Variants in TES observed in about 807,000 individuals in gnomAD.
The protein encoded by TES is testin.
A neutral mutation model predicts 48.2 loss-of-function variants in TES; 41 were observed. The ratio of observed to expected loss-of-function variants is 0.85; its 90% CI spans 0.66 to 1.10. TES has a LOEUF of 1.10. Among genes scored for constraint, TES ranks in the 50% least tolerant of loss-of-function variants. The pLI, the probability that TES is intolerant of heterozygous loss-of-function variation, is 0.00. For synonymous variants in TES, 162 were observed against 174.9 expected (o/e 0.93, Z 0.58); for missense variants, 463 against 515.1 (o/e 0.90, Z 0.98).
intron 6 of TES, 197 bp downstream of exon 6, chr7:116,252,673 C>CT: frequency 1.5e-6 from 1 of 675,320 alleles, no homozygotes. Context: ...CTCAAGATTT[C>CT]TACTTGTGAA....
chr7:116,254,758 ATG>A (rs202115399), intron 6 of TES, among the ~76,000 whole-genome samples: 2,849 of 116,734 alleles, frequency 0.024, 36 homozygotes, highest in African/African-American at 0.037. Context: ...ATATATATAT[ATG>A]TGTGTGTGTG....
intron 2 of TES, among the ~76,000 whole-genome samples, chr7:116,248,001 T>C (rs910139800): frequency 6.6e-6 from 1 of 152,182 alleles, no homozygotes; most frequent in Non-Finnish European, 1.5e-5. Context: ...TAGTGTCTGT[T>C]AGTTCCATCT....
At chr7:116,233,264 A>G (rs1201655447) in intron 1 of TES, among the ~76,000 whole-genome samples, 4 of 152,068 alleles carry the variant, frequency 2.6e-5, no homozygotes, top group Admixed American at 6.6e-5. Context: ...TTTTTTTCCA[A>G]TATCAGTCGT....
intron 1 of TES, among the ~76,000 whole-genome samples, chr7:116,228,008 G>GTTT (rs77777605): frequency 4.1e-5 from 5 of 122,960 alleles, no homozygotes; most frequent in Non-Finnish European, 6.9e-5. Context: ...TCTTTTTTTT[G>GTTT]TTTTTTTTTT....
chr7:116,254,105 G>A (rs1800058581), intron 6 of TES, among the ~76,000 whole-genome samples: 1 of 152,134 alleles, frequency 6.6e-6, no homozygotes, highest in Non-Finnish European at 1.5e-5. Flanking sequence ...GCTAAAAACT[G>A]CTTCAATGAA....
At position 116,249,162 on chromosome 7, in the gene TES, A is replaced by G. The variant is rs369912569; in HGVS notation, c.256A>G (p.Met86Val). 1.2e-6 allele frequency: 2 copies of G among 1,614,012 alleles called. No individual in the cohort carries two copies. The highest frequency in any genetic ancestry group is 2.7e-5 in the African/African-American group (2 of 74,932). ...AAAACTAAAGTCAGATGGAATTCCCATGTATAAACGCAATGTTATGATATT... is the reference window on the plus strand; with the variant it reads ...AAAACTAAAGTCAGATGGAATTCCCGTGTATAAACGCAATGTTATGATATT... ...IAKLKSDGIP[M>V]YKRNVMILTN... The change falls in exon 3 of 7, where the codon ATG becomes GTG. Residue 86 changes from methionine to valine, a missense_variant. By Grantham distance (21) the Met-to-Val change is conservative (BLOSUM62 1). Coordinates refer to ENST00000358204, the MANE Select transcript of TES (RefSeq NM_015641.4).
intron 2 of TES, 89 bp from the exon 3 acceptor site, chr7:116,248,931 C>A (rs1799962891): frequency 7.5e-7 from 1 of 1,338,832 alleles, no homozygotes. Flanking sequence ...ATAGAATAGG[C>A]CTAAAAGTAT....
intron 1 of TES, among the ~76,000 whole-genome samples, chr7:116,230,245 CTCTG>C (rs1462285550): frequency 2.0e-5 from 3 of 152,160 alleles, no homozygotes; most frequent in Non-Finnish European, 2.9e-5. Flanking sequence ...CTTACTTGCT[CTCTG>C]TCTGTGATGT....
chr7:116,229,033 T>TATATATATATATATATATATA (rs1417517023), intron 1 of TES, among the ~76,000 whole-genome samples: 9 of 115,488 alleles, frequency 7.8e-5, no homozygotes, highest in African/African-American at 1.0e-4. Flanking sequence ...TATATATATA[T>TATATATATATATATATATATA]AATCATTTCC....
rs551007579 is a variant in TES, at chr7:116,242,963, T to C, written c.114-6057T>C. The stretch of plus-strand genomic sequence containing the variant: ...AAACTAATGCAGTAAGTATGATCTA[T>C]GCTGAGTGTCTGGGTTTGTTCCCCC... On this transcript the variant is annotated intron_variant, in intron 2 of 6. Coordinates refer to ENST00000358204, the MANE Select transcript of TES (RefSeq NM_015641.4). 2.0e-5 allele frequency among the ~76,000 whole-genome samples: 3 copies of C among 152,304 alleles called. No homozygotes were observed. The East Asian group carries it at 5.8e-4, about 29-fold the overall frequency.
rs975983468 is a variant in TES, at chr7:116,248,310, A to G, written c.114-710A>G. Among the ~76,000 whole-genome samples the G allele has an allele frequency of 2.6e-5, 4 of 152,266 alleles. No homozygotes were observed. In the East Asian group the frequency reaches 5.8e-4, roughly 22 times the overall value. ...GGTGCATTGTCCTTTTGGTGGAACA[A>G]TGCATTTTCCTTTGGGATTGCTGGG... On this transcript the variant is annotated intron_variant, in intron 2 of 6. Coordinates refer to ENST00000358204, the MANE Select transcript of TES (RefSeq NM_015641.4).
At chr7:116,234,739 C>G in intron 2 of TES, 120 bp downstream of exon 2, 1 of 760,976 alleles carries the variant, frequency 1.3e-6, no homozygotes, top group Non-Finnish European at 2.2e-6. Flanking sequence ...CTGTTACTGT[C>G]TTTTCTGAGA....
At chr7:116,236,280 C>G (rs1428702559) in intron 2 of TES, among the ~76,000 whole-genome samples, 1 of 152,116 alleles carries the variant, frequency 6.6e-6, no homozygotes, top group African/African-American at 2.4e-5. Flanking sequence ...ATCCAAAATG[C>G]TCCAAAACCA....
chr7:116,217,820 A>G (rs762791665), intron 1 of TES: 5 of 518,396 alleles, frequency 9.6e-6, no homozygotes, highest in South Asian at 7.0e-5. Context: ...TGACTCTCCT[A>G]CAAAAGAGCT....
rs776719173 is a variant in TES, at chr7:116,252,420, G to A, written c.1021G>A (p.Val341Met). ...TAGCATTCTAGCTGGGGAGATATACGTGATGGTCAATGACAAGCCCGTGTG... is the reference window on the plus strand; with the variant it reads ...TAGCATTCTAGCTGGGGAGATATACATGATGGTCAATGACAAGCCCGTGTG... The part of the protein sequence containing the change: ...CDSILAGEIY[V>M]MVNDKPVCKP... Residue 341 changes from valine to methionine, a missense_variant, in exon 6 of 7, where the codon GTG becomes ATG. Coordinates refer to ENST00000358204, the MANE Select transcript of TES (RefSeq NM_015641.4). 7 of 1,614,086 alleles carry A rather than the reference G, an allele frequency of 4.3e-6. No individual in the cohort carries two copies. The highest frequency in any genetic ancestry group is 1.3e-5 in the African/African-American group (1 of 74,932).
chr7:116,253,171 A>G (rs1178342845), intron 6 of TES, among the ~76,000 whole-genome samples: 1 of 152,220 alleles, frequency 6.6e-6, no homozygotes, highest in Non-Finnish European at 1.5e-5. Context: ...AGCAAAACAC[A>G]TATGTGTTAA....
intron 1 of TES, among the ~76,000 whole-genome samples, chr7:116,212,606 G>C (rs1205162954): frequency 1.3e-5 from 2 of 152,102 alleles, no homozygotes; most frequent in Non-Finnish European, 2.9e-5. Context: ...AAAAATCAAA[G>C]ACATTTTTGA....
At chr7:116,243,301 CTTATTG>C (rs1415007685) in intron 2 of TES, among the ~76,000 whole-genome samples, 1 of 152,128 alleles carries the variant, frequency 6.6e-6, no homozygotes, top group African/African-American at 2.4e-5. Flanking sequence ...GATCGCCACT[CTTATTG>C]TTATGTTGTC....
chr7:116,249,315 G>C (rs192341724), intron 3 of TES, 43 bp downstream of exon 3: 65 of 1,610,660 alleles, frequency 4.0e-5, no homozygotes, highest in Non-Finnish European at 5.3e-5. Context: ...GAAGTTCCTG[G>C]AGTATTTATT....
Sources: gnomAD v4.1 joint callset for allele counts (sites outside exome capture counted in the v4.1 genomes callset) on GRCh38, gnomAD v4.1.1 for gene constraint, MANE v1.5 for transcripts, NCBI Gene and HGNC (gene_info 2026-07-23, HGNC 2026-07-21) for gene names.